RAB12: variants seen among roughly 807,000 people sequenced by gnomAD.
RAB12 encodes the protein RAB12, member RAS oncogene family.
RAB12 carries 11 observed loss-of-function variants against 28.4 expected under a neutral mutation model. That is an observed-to-expected ratio of 0.39 (90% confidence interval 0.24 to 0.64). The LOEUF is 0.64. Among genes scored for constraint, RAB12 ranks in the 30% least tolerant of loss-of-function variants. The probability of loss-of-function intolerance (pLI) is 0.50; values close to 1 mark genes in which losing one functional copy is unlikely to be tolerated. For missense variants in RAB12, 276 were observed against 351.1 expected, an observed-to-expected ratio of 0.79 and a Z score of 1.71; for synonymous variants, 138 against 145.3, an observed-to-expected ratio of 0.95 and a Z score of 0.36.
At chr18:8,635,810 G>T in intron 4 of RAB12, 188 bp downstream of exon 4, 1 of 503,346 alleles carries the variant, frequency 2.0e-6, no homozygotes, top group Non-Finnish European at 3.5e-6. Context: ...CTGAAATGGA[G>T]GGAGAAAAAA....
chr18:8,637,083 G>A (rs1315674355), intron 5 of RAB12, among the ~76,000 whole-genome samples: 1 of 152,068 alleles, frequency 6.6e-6, no homozygotes, highest in African/African-American at 2.4e-5. Flanking sequence ...GGGCAACACA[G>A]TGAAGCCCCA....
chr18:8,623,424 A>G (rs1461166122), intron 1 of RAB12, among the ~76,000 whole-genome samples: 1 of 152,268 alleles, frequency 6.6e-6, no homozygotes, highest in Non-Finnish European at 1.5e-5. Flanking sequence ...AGTAAATTCC[A>G]TCACAGAGTA....
chr18:8,618,983 G>A (rs1401183338), intron 1 of RAB12, among the ~76,000 whole-genome samples: 1 of 152,122 alleles, frequency 6.6e-6, no homozygotes, highest in African/African-American at 2.4e-5. Flanking sequence ...ACAACTCACT[G>A]AAAATGCTTA....
intron 2 of RAB12, among the ~76,000 whole-genome samples, chr18:8,625,260 C>T (rs1312322532): frequency 6.6e-6 from 1 of 152,188 alleles, no homozygotes; most frequent in African/African-American, 2.4e-5. Context: ...CTTTTTGCCT[C>T]TATTTTCAAA....
chr18:8,619,392 CAGT>C (rs1199638348), intron 1 of RAB12, among the ~76,000 whole-genome samples: 1 of 152,174 alleles, frequency 6.6e-6, no homozygotes, highest in African/African-American at 2.4e-5. Context: ...CAAAAAGAAA[CAGT>C]AGTGTGCAAA....
At position 8,636,236 on chromosome 18, in the gene RAB12, T is replaced by C. The variant is rs1183532248; in HGVS notation, c.805-17T>C. 1.3e-6 allele frequency: 2 copies of C among 1,553,254 alleles called. No homozygotes were observed. The highest frequency in any genetic ancestry group is 8.9e-7 in the Non-Finnish European group (1 of 1,124,668). On this transcript the variant is annotated splice_polypyrimidine_tract_variant and intron_variant, in intron 4 of 5. Transcript: ENST00000649141. ...TGAGGCCCCACACAGAGGAAATAGG[T>C]GTGTGTTTCTTCTCAGTTTGCACAG... is the stretch of plus-strand genomic sequence containing the variant.
chr18:8,626,244 G>A (rs567864325), intron 2 of RAB12, among the ~76,000 whole-genome samples: 22 of 152,348 alleles, frequency 1.4e-4, no homozygotes, highest in African/African-American at 5.3e-4. Flanking sequence ...GCAACAAAGT[G>A]TTTGGCACAC....
chr18:8,611,421 C>T (rs1007587593), intron 1 of RAB12, among the ~76,000 whole-genome samples: 1 of 152,018 alleles, frequency 6.6e-6, no homozygotes, highest in African/African-American at 2.4e-5. Context: ...AGGTGGGTAA[C>T]TGAGGGCTTG....
chr18:8,621,369 G>C (rs1351011755), intron 1 of RAB12, among the ~76,000 whole-genome samples: 1 of 152,196 alleles, frequency 6.6e-6, no homozygotes, highest in African/African-American at 2.4e-5. Flanking sequence ...AGAGGTATAT[G>C]TTTCTAAGCC....
rs2096020781 is a variant in RAB12, at chr18:8,639,144, GTTCTTTTTTT to G, written c.*885_*894del. The G allele has an allele frequency of 1.2e-4, 2 of 16,560 alleles. No individual in the cohort carries two copies. The highest frequency in any genetic ancestry group is 1.8e-4 in the African/African-American group (1 of 5,450). The allele number at this position is 16,560 out of a possible 1,614,324, so 1.0% of individuals were successfully genotyped here. A position where few individuals can be genotyped will look rare whatever the true frequency, so the allele number is the denominator to read the frequency against. The stretch of plus-strand genomic sequence containing the variant: ...CTTATTCTGATTAAGCCTAGACTGT[GTTCTTTTTTT>G]TTTTTTTTTTTTTTTTTTTTTTTTT... On this transcript the variant is annotated 3_prime_UTR_variant, in exon 6 of 6. Coordinates refer to ENST00000649141, the MANE Select transcript of RAB12 (RefSeq NM_001025300.3).
At chr18:8,611,001 T>C (rs988188159) in intron 1 of RAB12, among the ~76,000 whole-genome samples, 12 of 152,374 alleles carry the variant, frequency 7.9e-5, no homozygotes, top group African/African-American at 2.6e-4. Context: ...AACAAAACAG[T>C]ACTACATTTA....
At chr18:8,624,483 T>A (rs2096011607) in intron 1 of RAB12, among the ~76,000 whole-genome samples, 1 of 152,268 alleles carries the variant, frequency 6.6e-6, no homozygotes, top group Admixed American at 6.5e-5. Flanking sequence ...TACTGAAATT[T>A]TTAGTACAAT....
At chr18:8,637,597 T>C (rs564775212) in intron 5 of RAB12, among the ~76,000 whole-genome samples, 1 of 152,244 alleles carries the variant, frequency 6.6e-6, no homozygotes, top group East Asian at 1.9e-4. Context: ...AATTGTATAA[T>C]TTGGAAAGCA....
intron 2 of RAB12, among the ~76,000 whole-genome samples, chr18:8,625,643 C>G (rs983596547): frequency 5.3e-5 from 8 of 152,154 alleles, no homozygotes; most frequent in Admixed American, 4.6e-4. Flanking sequence ...GTTAACAGCC[C>G]GCAGGTGCTA....
intron 2 of RAB12, among the ~76,000 whole-genome samples, chr18:8,628,078 A>G (rs2096013862): frequency 6.6e-6 from 1 of 152,210 alleles, no homozygotes; most frequent in Non-Finnish European, 1.5e-5. Context: ...GATTGAGCTG[A>G]CGTTCATAAC....
chr18:8,632,781 G>T, intron 2 of RAB12: 1 of 228,932 alleles, frequency 4.4e-6, no homozygotes, highest in Non-Finnish European at 8.4e-6. Flanking sequence ...CCTACAATGT[G>T]AATTCTTAGG....
intron 1 of RAB12, among the ~76,000 whole-genome samples, chr18:8,610,588 G>C (rs1179922450): frequency 6.6e-6 from 1 of 152,222 alleles, no homozygotes; most frequent in Non-Finnish European, 1.5e-5. Context: ...TTCGGTGAGG[G>C]ACAGGAGTGA....
intron 1 of RAB12, among the ~76,000 whole-genome samples, chr18:8,612,457 T>C (rs2096004361): frequency 6.6e-6 from 1 of 152,162 alleles, no homozygotes; most frequent in Non-Finnish European, 1.5e-5. Flanking sequence ...GTGCAGTGAA[T>C]TCCATATAGA....
chr18:8,628,765 C>T (rs577535246), intron 2 of RAB12, among the ~76,000 whole-genome samples: 6 of 152,226 alleles, frequency 3.9e-5, no homozygotes, highest in Non-Finnish European at 7.4e-5. Context: ...ATCAAAATTG[C>T]CTTTTACTAT....
Sources: allele counts gnomAD v4.1 joint callset (sites outside exome capture counted in the v4.1 genomes callset), GRCh38; gene constraint gnomAD v4.1.1; transcripts MANE v1.5; gene names NCBI Gene and HGNC (gene_info 2026-07-23, HGNC 2026-07-21).